COPB1: variants seen among roughly 807,000 people sequenced by gnomAD.
COPB1 encodes coatomer subunit beta.
In COPB1, 21 loss-of-function variants were observed where a neutral mutation model predicts 108.7. That is an observed-to-expected ratio of 0.19 (90% CI 0.14 to 0.28). The LOEUF (loss-of-function observed/expected upper bound fraction) is 0.28, where lower values mean the gene tolerates loss of function less well. COPB1 is among the 10% of genes least tolerant of loss of function. COPB1 has a pLI of 1.00. For missense variants in COPB1, 919 were observed against 1,141.3 expected (o/e 0.81, Z 2.81); for synonymous variants, 378 against 386.8 (o/e 0.98, Z 0.27).
At chr11:14,487,115 T>C (rs979262806) in intron 6 of COPB1, among the ~76,000 whole-genome samples, 1 of 152,236 alleles carries the variant, frequency 6.6e-6, no homozygotes, top group Non-Finnish European at 1.5e-5. Flanking sequence ...ATATTCAACA[T>C]TGGAGAGAAA....
intron 4 of COPB1, among the ~76,000 whole-genome samples, chr11:14,492,407 G>C (rs369510674): frequency 6.6e-6 from 1 of 151,926 alleles, no homozygotes; most frequent in African/African-American, 2.4e-5. Flanking sequence ...GCAATAGCGC[G>C]ATCTCGGTTC....
At chr11:14,498,519 A>G (rs1181546496) in intron 2 of COPB1, among the ~76,000 whole-genome samples, 1 of 152,226 alleles carries the variant, frequency 6.6e-6, no homozygotes, top group African/African-American at 2.4e-5. Context: ...AGATATTCCA[A>G]TACACATCCT....
rs563185207 is a variant in COPB1, at chr11:14,498,551, T to C, written c.91+287A>G. Among the ~76,000 whole-genome samples, 22 of 152,226 alleles carry C rather than the reference T, an allele frequency of 1.4e-4. No individual in the cohort carries two copies. In the East Asian group the frequency reaches 3.9e-3, roughly 27 times the overall value. ...TCCTCAACCTGTTGCCTAGAGAAAATAATCAGCCACATTAATATATTGAAG... is the reference window on the plus strand; with the variant it reads ...TCCTCAACCTGTTGCCTAGAGAAAACAATCAGCCACATTAATATATTGAAG... On this transcript the variant is annotated intron_variant, in intron 2 of 21. Transcript: ENST00000439561.
intron 3 of COPB1, 138 bp from the exon 4 acceptor site, chr11:14,493,949 T>C (rs2134128398): frequency 1.2e-6 from 1 of 821,048 alleles, no homozygotes; most frequent in East Asian, 2.7e-5. Flanking sequence ...CATATTCTTG[T>C]TGACTGAAGC....
chr11:14,479,064 T>C (rs1850598131), intron 11 of COPB1: 1 of 150,656 alleles, frequency 6.6e-6, no homozygotes, highest in Non-Finnish European at 1.5e-5. Flanking sequence ...TATATTTTCA[T>C]ATCATAAAAA....
intron 13 of COPB1, 135 bp from the exon 14 acceptor site, chr11:14,474,750 C>G: frequency 1.6e-6 from 2 of 1,240,262 alleles, no homozygotes; most frequent in Non-Finnish European, 2.2e-6. Context: ...AGCTAACTAA[C>G]TCCTTAGCTC....
chr11:14,460,339 C>T (rs1452815172), intron 19 of COPB1, 42 bp from the exon 20 acceptor site: 1 of 1,277,928 alleles, frequency 7.8e-7, no homozygotes, highest in Admixed American at 1.9e-5. Context: ...ATAAATCTTA[C>T]TATGAGAAAG....
chr11:14,482,896 T>C (rs1035230566), intron 8 of COPB1, 136 bp downstream of exon 8: 4 of 703,128 alleles, frequency 5.7e-6, no homozygotes, highest in Non-Finnish European at 8.7e-6. Flanking sequence ...GACTCAATAG[T>C]TAACACTTTA....
At chr11:14,494,982 G>A (rs1850984918) in intron 2 of COPB1, among the ~76,000 whole-genome samples, 1 of 152,128 alleles carries the variant, frequency 6.6e-6, no homozygotes, top group South Asian at 2.1e-4. Flanking sequence ...TCTGCAGGCA[G>A]GCTGTAAAAC....
chr11:14,486,323 GA>G, intron 7 of COPB1, 43 bp downstream of exon 7: 1 of 1,610,170 alleles, frequency 6.2e-7, no homozygotes, highest in Non-Finnish European at 8.5e-7. Flanking sequence ...TGCTAAGACA[GA>G]AAATCTATCA....
intron 14 of COPB1, 143 bp downstream of exon 14, chr11:14,474,352 T>C (rs1850470566): frequency 3.1e-6 from 2 of 647,626 alleles, no homozygotes; most frequent in African/African-American, 1.8e-5. Context: ...GAGTAATATA[T>C]TACTGTGTCC....
intron 4 of COPB1, among the ~76,000 whole-genome samples, chr11:14,492,634 C>T (rs1041985440): frequency 1.3e-5 from 2 of 152,068 alleles, no homozygotes; most frequent in Non-Finnish European, 2.9e-5. Context: ...TGAGCCACCA[C>T]GCCTGGCTCA....
At chr11:14,484,548 T>C (rs1850729895) in intron 7 of COPB1, among the ~76,000 whole-genome samples, 1 of 152,062 alleles carries the variant, frequency 6.6e-6, no homozygotes. Flanking sequence ...TGAAACCCTG[T>C]CTCTACCGAA....
rs1279864909 is a variant in COPB1, at chr11:14,491,486, A to T, written c.492-807T>A. ...GGAGTTTGAGATGAGCCTGACCAACATGGAGAAACTCCATCTCTACTAAAA... is the reference window on the plus strand; with the variant it reads ...GGAGTTTGAGATGAGCCTGACCAACTTGGAGAAACTCCATCTCTACTAAAA... On this transcript the variant is annotated intron_variant, in intron 4 of 21. Coordinates refer to ENST00000439561, the MANE Select transcript of COPB1 (RefSeq NM_001144061.2). 2.6e-5 allele frequency among the ~76,000 whole-genome samples: 4 copies of T among 152,292 alleles called. No individual in the cohort carries two copies. In the East Asian group the frequency reaches 7.8e-4, roughly 30 times the overall value.
chr11:14,483,125 T>C lies in COPB1; in HGVS notation c.864A>G (p.Leu288=). The C allele has an allele frequency of 6.3e-7, 1 of 1,584,006 alleles. No homozygotes were observed. The highest frequency in any genetic ancestry group is 2.3e-5 in the East Asian group (1 of 44,266). ...IKAAAQCYID[L]IIKESDNNVK... is the part of the protein sequence containing the mutation. ...CATTGTTGTCGCTCTCCTTAATAAT[T>C]AAATCAATGTAACACTGAGCAGCAG... The change falls in exon 8 of 22, where the codon TTA becomes TTG. Residue 288 remains leucine, a synonymous_variant. Transcript: ENST00000439561.
At position 14,474,486 on chromosome 11, in the gene COPB1, T is replaced by C; in HGVS notation, c.1737+9A>G. The C allele has an allele frequency of 1.2e-6, 2 of 1,611,618 alleles. No homozygotes were observed. The highest frequency in any genetic ancestry group is 2.2e-5 in the East Asian group (1 of 44,804). On this transcript the variant is annotated intron_variant, in intron 14 of 21. Coordinates refer to ENST00000439561, the MANE Select transcript of COPB1 (RefSeq NM_001144061.2). Reference sequence around the variant, plus strand: ...AATTGTTGGTTAAATGTAAAATAAATGAACTTACATTTTGCTTTTTCTTCT... The same window carrying C: ...AATTGTTGGTTAAATGTAAAATAAACGAACTTACATTTTGCTTTTTCTTCT...
intron 18 of COPB1, among the ~76,000 whole-genome samples, chr11:14,462,067 T>G (rs1850167403): frequency 6.6e-6 from 1 of 152,104 alleles, no homozygotes; most frequent in Admixed American, 6.5e-5. Context: ...ACAACCATTT[T>G]TTTTTTTTTC....
chr11:14,485,552 A>G (rs1850750312), intron 7 of COPB1, among the ~76,000 whole-genome samples: 1 of 152,240 alleles, frequency 6.6e-6, no homozygotes, highest in African/African-American at 2.4e-5. Flanking sequence ...CAGTTGATTA[A>G]AACATGTTTT....
chr11:14,460,178 A>C (rs1344347030), intron 20 of COPB1, 30 bp downstream of exon 20: 3 of 1,407,770 alleles, frequency 2.1e-6, no homozygotes, highest in African/African-American at 1.4e-5. Context: ...CCATTCCATC[A>C]GATTTCTGAA....
Sources: gnomAD v4.1 joint callset for allele counts (sites outside exome capture counted in the v4.1 genomes callset) on GRCh38, gnomAD v4.1.1 for gene constraint, MANE v1.5 for transcripts, NCBI Gene and HGNC (gene_info 2026-07-23, HGNC 2026-07-21) for gene names.